DENND2B: variants seen among roughly 807,000 people sequenced by gnomAD.
DENND2B encodes the protein DENN domain containing 2B.
In DENND2B, 32 loss-of-function variants were observed where a neutral mutation model predicts 116.0. That is an observed-to-expected ratio of 0.28 (90% CI 0.21 to 0.37). DENND2B has a LOEUF of 0.37. Among genes scored for constraint, DENND2B ranks in the 10% least tolerant of loss-of-function variants. DENND2B has a pLI of 1.00. For synonymous variants in DENND2B, 588 were observed against 583.9 expected, an observed-to-expected ratio of 1.01 and a Z score of -0.10; for missense variants, 1,276 against 1,477.7, an observed-to-expected ratio of 0.86 and a Z score of 2.24.
intron 2 of DENND2B, among the ~76,000 whole-genome samples, chr11:8,737,182 T>C (rs892648599): frequency 2.0e-5 from 3 of 152,108 alleles, no homozygotes; most frequent in African/African-American, 7.2e-5. Context: ...TGGGAGTCAT[T>C]AGTGGTATAT....
chr11:8,745,448 AGT>A (rs1415129763), intron 2 of DENND2B, among the ~76,000 whole-genome samples: 4 of 152,138 alleles, frequency 2.6e-5, no homozygotes. Flanking sequence ...TAGGGGAGAG[AGT>A]GAGTGTATTT....
chr11:8,882,831 T>C (rs971150949), intron 1 of DENND2B, among the ~76,000 whole-genome samples: 2 of 151,598 alleles, frequency 1.3e-5, no homozygotes, highest in African/African-American at 4.9e-5. Context: ...CTAGAAAAAA[T>C]ACAAAAATTA....
chr11:8,696,085 T>C, intron 18 of DENND2B: 1 of 297,612 alleles, frequency 3.4e-6, no homozygotes, highest in Non-Finnish European at 6.3e-6. Flanking sequence ...ACCACTGGGT[T>C]CTCAGAACCC....
upstream of DENND2B, among the ~76,000 whole-genome samples, chr11:8,873,983 G>A (rs2063818352): frequency 6.6e-6 from 1 of 152,162 alleles, no homozygotes; most frequent in Non-Finnish European, 1.5e-5. Context: ...AGCGCTTGTA[G>A]GAGGAATTTG....
chr11:8,896,954 G>A (rs1191533417), intron 1 of DENND2B, among the ~76,000 whole-genome samples: 1 of 152,212 alleles, frequency 6.6e-6, no homozygotes, highest in Non-Finnish European at 1.5e-5. Context: ...TTTGAAAACT[G>A]AGACTGGGCT....
At chr11:8,746,251 A>G (rs1406525290) in intron 2 of DENND2B, among the ~76,000 whole-genome samples, 2 of 152,192 alleles carry the variant, frequency 1.3e-5, no homozygotes, top group Admixed American at 6.5e-5. Context: ...CTGTGCCTAC[A>G]TTGGCCATGG....
intron 4 of DENND2B, among the ~76,000 whole-genome samples, chr11:8,720,703 T>G (rs1488971538): frequency 6.6e-6 from 1 of 152,136 alleles, no homozygotes; most frequent in Non-Finnish European, 1.5e-5. Flanking sequence ...CTGTCTCAAA[T>G]AGATTCTCCC....
At chr11:8,742,768 C>T (rs949588194) in intron 2 of DENND2B, among the ~76,000 whole-genome samples, 1 of 152,218 alleles carries the variant, frequency 6.6e-6, no homozygotes, top group African/African-American at 2.4e-5. Flanking sequence ...TAAGAAATGG[C>T]TTCCAGATTG....
chr11:8,696,333 AGCTG>A, intron 18 of DENND2B, 90 bp downstream of exon 18: 1 of 1,540,552 alleles, frequency 6.5e-7, no homozygotes, highest in Admixed American at 1.9e-5. Flanking sequence ...GCCTGGCCCT[AGCTG>A]ATGTCCAAGA....
intron 3 of DENND2B, among the ~76,000 whole-genome samples, chr11:8,727,964 AACACACACACACAC>A (rs55688240): frequency 0.12 from 16,632 of 138,578 alleles, 1,131 homozygotes; most frequent in East Asian, 0.21. Context: ...ATTTTACACA[AACACACACACACAC>A]ACACACACAC....
At chr11:8,772,919 C>A (rs932182507) in intron 1 of DENND2B, among the ~76,000 whole-genome samples, 1 of 152,152 alleles carries the variant, frequency 6.6e-6, no homozygotes, top group African/African-American at 2.4e-5. Flanking sequence ...CAACTGTTTT[C>A]TCTCTCTTTC....
chr11:8,776,521 C>T, intron 1 of DENND2B: 1 of 288,738 alleles, frequency 3.5e-6, no homozygotes, highest in Non-Finnish European at 6.8e-6. Flanking sequence ...CTGAACCATG[C>T]AGGCAGCAGA....
intron 4 of DENND2B, among the ~76,000 whole-genome samples, chr11:8,722,411 A>G (rs1430235282): frequency 6.6e-6 from 1 of 152,158 alleles, no homozygotes; most frequent in Non-Finnish European, 1.5e-5. Context: ...AGCCTGATCC[A>G]GCGGGGTCAG....
intron 1 of DENND2B, chr11:8,766,808 T>C (rs995499350): frequency 3.6e-5 from 20 of 549,526 alleles, no homozygotes; most frequent in Non-Finnish European, 5.2e-5. Context: ...TTGGAGAATG[T>C]GACAGAGGAC....
chr11:8,729,956 T>C lies in DENND2B; in HGVS notation c.1334A>G (p.Gln445Arg). 1 of 1,614,068 alleles carries C rather than the reference T, an allele frequency of 6.2e-7. No homozygotes were observed. The highest frequency in any genetic ancestry group is 1.6e-4 in the Middle Eastern group (1 of 6,062). Residue 445 changes from glutamine to arginine, a missense_variant, in exon 3 of 20, where the codon CAG (glutamine) becomes CGG (arginine). Gln to Arg is a conservative substitution (Grantham distance 43, BLOSUM62 1). Transcript: ENST00000313726. ...CCGGAGGGGCATGCATTACCTGCTC[T>C]GGGACTTGCGGTGACCACGCATGTC... is the stretch of plus-strand genomic sequence containing the variant. ...KKDMRGHRKS[Q>R]SRKSFEFEDA... is the part of the protein sequence containing the mutation.
chr11:8,735,474 G>C (rs2048859274), intron 2 of DENND2B, among the ~76,000 whole-genome samples: 2 of 152,218 alleles, frequency 1.3e-5, no homozygotes, highest in Non-Finnish European at 2.9e-5. Context: ...ACTAAGTTTT[G>C]GGGTGATTTG....
intron 4 of DENND2B, among the ~76,000 whole-genome samples, chr11:8,827,978 C>T (rs1205195470): frequency 2.6e-5 from 4 of 152,040 alleles, no homozygotes; most frequent in Non-Finnish European, 5.9e-5. Flanking sequence ...GGAGGGGGAA[C>T]GGGGGTGGAC....
intron 4 of DENND2B, 48 bp from the exon 5 acceptor site, chr11:8,717,940 C>T: frequency 6.3e-7 from 1 of 1,578,000 alleles, no homozygotes; most frequent in Non-Finnish European, 8.6e-7. Flanking sequence ...AAGAAGGAAA[C>T]ACACGAACTC....
intron 1 of DENND2B, among the ~76,000 whole-genome samples, chr11:8,788,280 G>A (rs536152781): frequency 2.6e-5 from 4 of 152,216 alleles, no homozygotes; most frequent in African/African-American, 9.6e-5. Flanking sequence ...GATAAAACAG[G>A]AAGAGGGGCT....
Sources: gnomAD v4.1 joint callset for allele counts (sites outside exome capture counted in the v4.1 genomes callset) on GRCh38, gnomAD v4.1.1 for gene constraint, MANE v1.5 for transcripts, NCBI Gene and HGNC (gene_info 2026-07-23, HGNC 2026-07-21) for gene names.